The following GRID1 variants were observed in gnomAD, a reference collection of about 807,000 sequenced individuals.
GRID1 encodes glutamate receptor ionotropic, delta-1.
In GRID1, 28 loss-of-function variants were observed where a neutral mutation model predicts 98.0. The observed-to-expected ratio is 0.29, with a 90% CI of 0.21 to 0.39. The LOEUF (loss-of-function observed/expected upper bound fraction) is 0.39, where lower values mean the gene tolerates loss of function less well. GRID1 is among the 10% of genes least tolerant of loss of function. GRID1 has a pLI of 1.00. For synonymous variants in GRID1, 553 were observed against 538.5 expected, an observed-to-expected ratio of 1.03 and a Z score of -0.37; for missense variants, 1,111 against 1,340.5, an observed-to-expected ratio of 0.83 and a Z score of 2.67.
At chr10:85,896,573 G>T (rs148105041) in intron 5 of GRID1, among the ~76,000 whole-genome samples, 297 of 152,210 alleles carry the variant, frequency 2.0e-3, no homozygotes, top group African/African-American at 7.0e-3. Flanking sequence ...TCTGTGCAAA[G>T]GACATAGGCA....
intron 5 of GRID1, among the ~76,000 whole-genome samples, chr10:85,914,082 T>G (rs1411421846): frequency 1.3e-5 from 2 of 152,134 alleles, no homozygotes; most frequent in South Asian, 4.1e-4. Context: ...AACCCTGGGT[T>G]CCAGCTGCCC....
chr10:86,269,330 A>G (rs1265339637), intron 2 of GRID1, among the ~76,000 whole-genome samples: 2 of 152,164 alleles, frequency 1.3e-5, no homozygotes. Context: ...GTAACTGAGG[A>G]TAGGCTGTAT....
intron 4 of GRID1, among the ~76,000 whole-genome samples, chr10:86,095,058 T>G (rs1381975642): frequency 2.0e-5 from 3 of 152,176 alleles, no homozygotes; most frequent in Admixed American, 1.3e-4. Flanking sequence ...CACAGCCAAC[T>G]GATCTTTGAC....
At chr10:85,634,287 TC>T (rs1843010710) in intron 13 of GRID1, among the ~76,000 whole-genome samples, 1 of 129,290 alleles carries the variant, frequency 7.7e-6, no homozygotes, top group Admixed American at 7.5e-5. Flanking sequence ...TCTCTCTCTC[TC>T]TCTCACACAC....
chr10:85,624,397 A>G (rs1020597952), intron 13 of GRID1, among the ~76,000 whole-genome samples: 20 of 152,196 alleles, frequency 1.3e-4, no homozygotes, highest in African/African-American at 4.1e-4. Context: ...GCTGGAGACA[A>G]GGCTGTGGAT....
At position 85,617,016 on chromosome 10, in the gene GRID1, G is replaced by A. The variant is rs138086869; in HGVS notation, c.2360+2851C>T. ...CATCTACATCCTGTCCTCTGCCAAAGCAAAGGAGCATATCTTTATTGAAGG... is the reference window on the plus strand; with the variant it reads ...CATCTACATCCTGTCCTCTGCCAAAACAAAGGAGCATATCTTTATTGAAGG... On this transcript the variant is annotated intron_variant, in intron 14 of 15. Coordinates refer to ENST00000327946, the MANE Select transcript of GRID1 (RefSeq NM_017551.3). Among the ~76,000 whole-genome samples the A allele has an allele frequency of 7.2e-3, 1,098 of 152,300 alleles. 11 individuals are homozygous for A. The highest frequency in any genetic ancestry group is 0.011 in the Non-Finnish European group (735 of 68,024).
At chr10:85,730,542 C>A (rs1193119556) in intron 8 of GRID1, among the ~76,000 whole-genome samples, 1 of 152,136 alleles carries the variant, frequency 6.6e-6, no homozygotes, top group Non-Finnish European at 1.5e-5. Context: ...ATGTCGAGAA[C>A]CCCTGCTCTT....
chr10:85,932,821 G>A (rs1385478001), intron 4 of GRID1, among the ~76,000 whole-genome samples: 2 of 152,290 alleles, frequency 1.3e-5, no homozygotes, highest in Non-Finnish European at 2.9e-5. Context: ...CAGCAGGGAT[G>A]AGCATGGCTT....
chr10:86,330,622 C>T (rs576184582), intron 2 of GRID1, among the ~76,000 whole-genome samples: 2 of 152,302 alleles, frequency 1.3e-5, no homozygotes, highest in East Asian at 3.9e-4. Context: ...CCCACAGCGC[C>T]GAGCAGCAAG....
At chr10:86,162,669 G>A (rs1845339747) in intron 3 of GRID1, among the ~76,000 whole-genome samples, 3 of 152,210 alleles carry the variant, frequency 2.0e-5, no homozygotes, top group Non-Finnish European at 4.4e-5. Context: ...TCTGGATCTG[G>A]AGCCAGCAGG....
In GRID1 at chr10:85,746,531, C is replaced by T. The variant is rs1841999094; in HGVS notation, c.1234-16917G>A. Among the ~76,000 whole-genome samples the T allele has an allele frequency of 2.0e-5, 3 of 152,260 alleles. No homozygotes were observed. In the South Asian group the frequency reaches 6.2e-4, roughly 32 times the overall value. ...TGACATTTTGTGACTTCTGAGTCTA[C>T]ATTCTAAATGGCCTTCAATTTCCAC... On this transcript the variant is annotated intron_variant, in intron 8 of 15. Transcript: ENST00000327946.
In GRID1 at chr10:86,227,385, G is replaced by T. The variant is rs1032045162; in HGVS notation, c.236-20737C>A. 2.0e-5 allele frequency among the ~76,000 whole-genome samples: 3 copies of T among 152,152 alleles called. No individual in the cohort carries two copies. The South Asian group carries it at 6.2e-4, about 32-fold the overall frequency. On this transcript the variant is annotated intron_variant, in intron 2 of 15. Coordinates refer to ENST00000327946, the MANE Select transcript of GRID1 (RefSeq NM_017551.3). Reference sequence around the variant, plus strand: ...AAGAACTTGCTCATAGTAGTGGGGGGCTGCAGCCCCAGCACCAAGGCAGGA... The same window carrying T: ...AAGAACTTGCTCATAGTAGTGGGGGTCTGCAGCCCCAGCACCAAGGCAGGA...
At chr10:86,095,596 C>T (rs1844209691) in intron 4 of GRID1, among the ~76,000 whole-genome samples, 1 of 152,098 alleles carries the variant, frequency 6.6e-6, no homozygotes, top group Non-Finnish European at 1.5e-5. Context: ...GGCCAACAAA[C>T]ATATCAAAAA....
At chr10:85,935,207 A>C (rs1295526963) in intron 4 of GRID1, among the ~76,000 whole-genome samples, 1 of 152,180 alleles carries the variant, frequency 6.6e-6, no homozygotes, top group African/African-American at 2.4e-5. Context: ...TATTCACCCA[A>C]GATCATACAG....
intron 4 of GRID1, among the ~76,000 whole-genome samples, chr10:86,019,119 A>G (rs1024092427): frequency 1.8e-4 from 28 of 152,216 alleles, no homozygotes; most frequent in African/African-American, 6.8e-4. Flanking sequence ...ATAAAAGTAC[A>G]GAGGAAAAGA....
intron 2 of GRID1, among the ~76,000 whole-genome samples, chr10:86,338,682 C>T (rs1030213668): frequency 6.6e-6 from 1 of 152,230 alleles, no homozygotes; most frequent in African/African-American, 2.4e-5. Flanking sequence ...CTCAGCCTCC[C>T]GAGTAGCTGA....
intron 3 of GRID1, among the ~76,000 whole-genome samples, chr10:86,202,256 T>C (rs1353417671): frequency 1.3e-5 from 2 of 152,244 alleles, no homozygotes; most frequent in African/African-American, 4.8e-5. Context: ...CCCATCTGTG[T>C]CTTCACTGAA....
At chr10:85,974,020 G>A (rs1041955566) in intron 4 of GRID1, among the ~76,000 whole-genome samples, 6 of 152,278 alleles carry the variant, frequency 3.9e-5, no homozygotes, top group Admixed American at 2.0e-4. Flanking sequence ...AGCTCCACAC[G>A]TCCCATTCTT....
chr10:86,332,076 T>C (rs1393558929), intron 2 of GRID1, among the ~76,000 whole-genome samples: 1 of 152,304 alleles, frequency 6.6e-6, no homozygotes, highest in Admixed American at 6.5e-5. Context: ...ACCATTCATT[T>C]CAGAGATGGG....
Sources: gnomAD v4.1 joint callset for allele counts (sites outside exome capture counted in the v4.1 genomes callset) on GRCh38, gnomAD v4.1.1 for gene constraint, MANE v1.5 for transcripts, NCBI Gene and HGNC (gene_info 2026-07-23, HGNC 2026-07-21) for gene names.